The following BRCA1 variants were observed in gnomAD, a reference collection of about 807,000 sequenced individuals.
The protein encoded by BRCA1 is BRCA1 DNA repair associated.
A neutral mutation model predicts 173.7 loss-of-function variants in BRCA1; 140 were observed. The observed-to-expected ratio is 0.81, with a 90% CI of 0.70 to 0.93. The LOEUF (loss-of-function observed/expected upper bound fraction) is 0.93. BRCA1 is among the 40% of genes least tolerant of loss of function. The pLI is 0.00. For synonymous variants in BRCA1, 662 were observed against 756.0 expected (o/e 0.88, Z 2.04); for missense variants, 1,983 against 2,172.5 (o/e 0.91, Z 1.73).
intron 1 of BRCA1, chr17:43,159,309 G>A (rs1331322233): frequency 6.0e-6 from 1 of 166,748 alleles, no homozygotes; most frequent in Non-Finnish European, 1.3e-5. Context: ...AATGTGGCCG[G>A]GCAGGGGGCT....
At chr17:43,122,964 G>A (rs2055648076) in intron 2 of BRCA1, among the ~76,000 whole-genome samples, 1 of 151,804 alleles carries the variant, frequency 6.6e-6, no homozygotes, top group Non-Finnish European at 1.5e-5. Flanking sequence ...GGCTCAGGCA[G>A]AAGAATGGCA....
At chr17:43,148,284 ATC>A (rs1210782664) in intron 1 of BRCA1, 1 of 168,138 alleles carries the variant, frequency 5.9e-6, no homozygotes, top group African/African-American at 2.4e-5. Flanking sequence ...AGGGAACTCC[ATC>A]TCAAAAAAAA....
At chr17:43,149,001 C>T (rs1308966291) in intron 1 of BRCA1, among the ~76,000 whole-genome samples, 1 of 152,172 alleles carries the variant, frequency 6.6e-6, no homozygotes, top group African/African-American at 2.4e-5. Context: ...ACTGCCCCCA[C>T]ACACCAGAAT....
intron 2 of BRCA1, among the ~76,000 whole-genome samples, chr17:43,123,571 A>G (rs1395144893): frequency 6.6e-6 from 1 of 151,938 alleles, no homozygotes; most frequent in Non-Finnish European, 1.5e-5. Flanking sequence ...GATGGTCTCG[A>G]TCTCCTGACC....
At position 43,094,423 on chromosome 17, in the gene BRCA1, C is replaced by A. The variant is rs1567800850; in HGVS notation, c.1108G>T (p.Val370Phe). 1 of 1,613,852 alleles carries A rather than the reference C, an allele frequency of 6.2e-7. No individual in the cohort carries two copies. The highest frequency in any genetic ancestry group is 8.5e-7 in the Non-Finnish European group (1 of 1,179,730). ...CTGCTATTTAGTGTTATCCAAGGAA[C>A]ATCTTCAGTATCTCTAGGATTCTCT... ...CSENPRDTED[V>F]PWITLNSSIQ... Residue 370 changes from valine (V) to phenylalanine (F), a missense_variant, in exon 10 of 23, where the codon GTT becomes TTT. Physicochemically the swap from Val to Phe is conservative, Grantham distance 50. Coordinates refer to ENST00000357654, the MANE Select transcript of BRCA1 (RefSeq NM_007294.4).
intron 22 of BRCA1, 120 bp downstream of exon 22, chr17:43,047,523 T>A: frequency 3.0e-6 from 3 of 994,414 alleles, no homozygotes; most frequent in South Asian, 2.6e-5. Flanking sequence ...TTTTAGCCAT[T>A]CATTCAACAA....
Position 43,131,269 on chromosome 17 carries a change from A to T in BRCA1, c.-19-7154T>A, listed in dbSNP as rs980530463. The stretch of plus-strand genomic sequence containing the variant: ...AAATACCTGGATGAGGAAGATGAAG[A>T]GGTAAAGTATATTATGGTACTTATT... On this transcript the variant is annotated intron_variant, in intron 1 of 7. Transcript: ENST00000634433. 4 of 394,544 alleles carry T rather than the reference A, an allele frequency of 1.0e-5. 1 individual carries two copies. The Admixed American group carries it at 1.1e-4, about 11-fold the overall frequency. 24.4% of individuals were successfully genotyped at this position (394,544 alleles called of 1,614,324 possible).
At chr17:43,162,328 C>G (rs557942365) in intron 1 of BRCA1, 1 of 152,296 alleles carries the variant, frequency 6.6e-6, no homozygotes, top group East Asian at 1.9e-4. Flanking sequence ...TAACTTATTA[C>G]TATTAATGAC....
chr17:43,127,189 A>G (rs537311780), upstream of BRCA1, among the ~76,000 whole-genome samples: 8 of 152,348 alleles, frequency 5.3e-5, no homozygotes, highest in East Asian at 3.9e-4. Context: ...CGACTGCCCA[A>G]GGGCTGAGAG....
chr17:43,138,699 G>C (rs751429398), intron 1 of BRCA1: 1 of 779,338 alleles, frequency 1.3e-6, no homozygotes, highest in Non-Finnish European at 2.4e-6. Context: ...TCCCTTGCCA[G>C]CAGGGTGCTG....
chr17:43,096,393 A>AAAAAAAAAAG (rs1555593762), intron 8 of BRCA1, among the ~76,000 whole-genome samples: 12 of 149,912 alleles, frequency 8.0e-5, no homozygotes, highest in East Asian at 7.8e-4. Context: ...AAAAAAAAAA[A>AAAAAAAAAAG]AGAGAGAAAG....
rs191331108 is a variant in BRCA1, at chr17:43,079,473, C to T, written c.4358-2859G>A. The T allele has an allele frequency of 8.2e-4, 1,137 of 1,383,122 alleles. No homozygotes were observed. Among genetic ancestry groups the T allele is most frequent in the Non-Finnish European group, 1.1e-3 (1,034 of 982,948 alleles). 85.7% of individuals were successfully genotyped at this position (1,383,122 alleles called of 1,614,324 possible). A position where few individuals can be genotyped will look rare whatever the true frequency, so the allele number is the denominator to read the frequency against. ...AAAAGGAATGCCCCACAAGTGTTAC[C>T]ATGGCAAAACTGGAAAAGTCTACAA... On this transcript the variant is annotated intron_variant, in intron 12 of 22. Transcript: ENST00000357654.
intron 19 of BRCA1, among the ~76,000 whole-genome samples, chr17:43,051,579 C>A (rs183687540): frequency 2.0e-5 from 3 of 152,130 alleles, no homozygotes; most frequent in Non-Finnish European, 4.4e-5. Flanking sequence ...CTCACTATGA[C>A]CCCATCAACA....
At chr17:43,069,657 T>C (rs8176224) in intron 15 of BRCA1, among the ~76,000 whole-genome samples, 16 of 152,184 alleles carry the variant, frequency 1.1e-4, no homozygotes, top group Non-Finnish European at 1.8e-4. Context: ...AAAACATTTA[T>C]AGCCATCACT....
intron 1 of BRCA1, among the ~76,000 whole-genome samples, chr17:43,155,468 C>A (rs9903972): frequency 1.3e-5 from 2 of 152,150 alleles, no homozygotes; most frequent in African/African-American, 4.8e-5. Flanking sequence ...TGGCCTCAAG[C>A]AGTCTTCCTG....
At chr17:43,091,109 A>G (rs1366943302) in intron 10 of BRCA1, 77 bp from the exon 11 acceptor site, 2 of 1,318,554 alleles carry the variant, frequency 1.5e-6, no homozygotes, top group East Asian at 4.9e-5. Context: ...TTTTCTTCTC[A>G]TTGGCAGGAC....
At chr17:43,101,833 T>C (rs1251164738) in intron 6 of BRCA1, among the ~76,000 whole-genome samples, 2 of 152,068 alleles carry the variant, frequency 1.3e-5, no homozygotes, top group African/African-American at 4.8e-5. Context: ...ATCTCCATCA[T>C]TCATGCACAT....
chr17:43,156,161 C>T (rs759355344), intron 1 of BRCA1, among the ~76,000 whole-genome samples: 2 of 151,804 alleles, frequency 1.3e-5, no homozygotes, highest in African/African-American at 2.4e-5. Context: ...TGCTTGAACC[C>T]GGGAGGCGGA....
chr17:43,079,520 C>T (rs1357628231), intron 12 of BRCA1: 5 of 1,078,990 alleles, frequency 4.6e-6, no homozygotes, highest in Admixed American at 3.4e-5. Flanking sequence ...ATGCTGTTGG[C>T]ATCGCTGTAA....
Sources: allele counts gnomAD v4.1 joint callset (sites outside exome capture counted in the v4.1 genomes callset), GRCh38; gene constraint gnomAD v4.1.1; transcripts MANE v1.5; gene names NCBI Gene and HGNC (gene_info 2026-07-23, HGNC 2026-07-21).